The following HSDL2 variants were observed in gnomAD, a reference collection of about 807,000 sequenced individuals.
The protein encoded by HSDL2 is hydroxysteroid dehydrogenase like 2.
HSDL2 carries 27 observed loss-of-function variants against 46.3 expected under a neutral mutation model. The ratio of observed to expected loss-of-function variants is 0.58; its 90% CI spans 0.43 to 0.80. The LOEUF (loss-of-function observed/expected upper bound fraction) is 0.80. Ranked by LOEUF, HSDL2 falls within the 30% of genes least tolerant of loss-of-function variation. The pLI is 0.00. For synonymous variants in HSDL2, 153 were observed against 163.6 expected, an observed-to-expected ratio of 0.94 and a Z score of 0.50; for missense variants, 451 against 502.7, an observed-to-expected ratio of 0.90 and a Z score of 0.98.
chr9:112,401,931 CCTT>C (rs1197094983), intron 1 of HSDL2, among the ~76,000 whole-genome samples: 3 of 152,182 alleles, frequency 2.0e-5, no homozygotes, highest in Admixed American at 6.5e-5. Flanking sequence ...CACTCTCCCT[CCTT>C]CTTACCAAAC....
At chr9:112,444,972 G>A (rs1380596681) in intron 8 of HSDL2, among the ~76,000 whole-genome samples, 2 of 151,058 alleles carry the variant, frequency 1.3e-5, no homozygotes, top group Non-Finnish European at 1.5e-5. Flanking sequence ...TCAAAGTCCT[G>A]GACTCAAACA....
intron 10 of HSDL2, among the ~76,000 whole-genome samples, chr9:112,462,981 T>G (rs1833258195): frequency 6.6e-6 from 1 of 152,242 alleles, no homozygotes; most frequent in Admixed American, 6.5e-5. Flanking sequence ...TTACTTAGCA[T>G]AGGCTTTTGA....
At chr9:112,430,990 T>C (rs1832376609) in intron 6 of HSDL2, among the ~76,000 whole-genome samples, 1 of 141,404 alleles carries the variant, frequency 7.1e-6, no homozygotes, top group Admixed American at 7.6e-5. Context: ...AGGTGGAGGT[T>C]ACAGTGAGCC....
At chr9:112,384,773 A>G (rs1831181916) in intron 1 of HSDL2, among the ~76,000 whole-genome samples, 1 of 150,392 alleles carries the variant, frequency 6.6e-6, no homozygotes, top group South Asian at 2.1e-4. Context: ...AGGCCAGCAT[A>G]CAAGATCAAA....
chr9:112,424,272 G>A, intron 6 of HSDL2, among the ~76,000 whole-genome samples: 1 of 148,676 alleles, frequency 6.7e-6, no homozygotes, highest in Non-Finnish European at 1.5e-5. Flanking sequence ...AGTGAGCCGA[G>A]ATCGTGCCAC....
chr9:112,438,727 T>C, intron 7 of HSDL2, 102 bp downstream of exon 7: 2 of 681,980 alleles, frequency 2.9e-6, no homozygotes, highest in South Asian at 2.4e-5. Context: ...GTAAAATGAA[T>C]GTGTTCTTTT....
At chr9:112,446,759 T>G (rs1832767924) in intron 8 of HSDL2, among the ~76,000 whole-genome samples, 1 of 152,226 alleles carries the variant, frequency 6.6e-6, no homozygotes, top group Admixed American at 6.5e-5. Flanking sequence ...GATGCTCCAC[T>G]GCAGGACTCC....
chr9:112,446,690 G>A (rs1413481139), intron 8 of HSDL2, among the ~76,000 whole-genome samples: 1 of 152,160 alleles, frequency 6.6e-6, no homozygotes, highest in African/African-American at 2.4e-5. Flanking sequence ...ATGCCCTGCT[G>A]CCACGGTTCT....
chr9:112,450,584 A>G (rs1432496818), intron 8 of HSDL2, among the ~76,000 whole-genome samples: 2 of 146,016 alleles, frequency 1.4e-5, no homozygotes, highest in Admixed American at 7.1e-5. Flanking sequence ...GGCTGAGATC[A>G]TGCCACTGCA....
At chr9:112,429,407 A>G (rs751330922) in intron 6 of HSDL2, among the ~76,000 whole-genome samples, 26 of 152,200 alleles carry the variant, frequency 1.7e-4, no homozygotes, top group Admixed American at 7.2e-4. Flanking sequence ...AGAGTTTGTT[A>G]CCACCATTTG....
chr9:112,432,591 G>A (rs1832432677), intron 6 of HSDL2, among the ~76,000 whole-genome samples: 1 of 152,156 alleles, frequency 6.6e-6, no homozygotes, highest in East Asian at 1.9e-4. Context: ...TGGTCCAGCA[G>A]GAAAAATCAG....
chr9:112,448,405 T>G, intron 8 of HSDL2, among the ~76,000 whole-genome samples: 1 of 152,286 alleles, frequency 6.6e-6, no homozygotes, highest in Non-Finnish European at 1.5e-5. Flanking sequence ...AGATGGACAT[T>G]TTTTTAATCA....
chr9:112,458,116 A>C (rs1458534820), intron 9 of HSDL2, among the ~76,000 whole-genome samples: 1 of 141,836 alleles, frequency 7.1e-6, no homozygotes, highest in Non-Finnish European at 1.5e-5. Flanking sequence ...TTTTTTTTTC[A>C]GTTCCTCACA....
intron 4 of HSDL2, among the ~76,000 whole-genome samples, chr9:112,409,917 C>A (rs1251614130): frequency 6.6e-6 from 1 of 151,344 alleles, no homozygotes; most frequent in Non-Finnish European, 1.5e-5. Flanking sequence ...TGTGTAAATA[C>A]TTACATGTAT....
At position 112,459,203 on chromosome 9, in the gene HSDL2, C is replaced by T. The variant is rs143285138; in HGVS notation, c.1016-246C>T. Among the ~76,000 whole-genome samples, 3 of 152,230 alleles carry T rather than the reference C, an allele frequency of 2.0e-5. No individual in the cohort carries two copies. The East Asian group carries it at 5.8e-4, about 29-fold the overall frequency. ...GGTTATCTTGATTCCTTAATGTGCT[C>T]CCACATCACCCTCTACTTCCTCTTT... On this transcript the variant is annotated intron_variant, in intron 9 of 10. Transcript: ENST00000398805.
At chr9:112,401,478 A>G (rs921596060) in intron 1 of HSDL2, among the ~76,000 whole-genome samples, 5 of 147,982 alleles carry the variant, frequency 3.4e-5, no homozygotes, top group African/African-American at 9.9e-5. Context: ...AGTAGCAGAG[A>G]GCTAATGTTT....
intron 4 of HSDL2, among the ~76,000 whole-genome samples, chr9:112,409,335 G>A (rs1433031605): frequency 2.6e-5 from 4 of 151,804 alleles, no homozygotes; most frequent in African/African-American, 4.8e-5. Flanking sequence ...GATTACAGGC[G>A]CCCACCACCA....
intron 1 of HSDL2, among the ~76,000 whole-genome samples, chr9:112,390,320 T>C (rs1017345961): frequency 6.6e-6 from 1 of 152,106 alleles, no homozygotes; most frequent in African/African-American, 2.4e-5. Flanking sequence ...ATGACAGAGC[T>C]GATATTGAAG....
chr9:112,397,592 G>T (rs1831485965), intron 1 of HSDL2, among the ~76,000 whole-genome samples: 1 of 152,162 alleles, frequency 6.6e-6, no homozygotes, highest in African/African-American at 2.4e-5. Flanking sequence ...GAGCATCAAA[G>T]CCTAATTGGG....
Sources: allele counts gnomAD v4.1 joint callset (sites outside exome capture counted in the v4.1 genomes callset), GRCh38; gene constraint gnomAD v4.1.1; transcripts MANE v1.5; gene names NCBI Gene and HGNC (gene_info 2026-07-23, HGNC 2026-07-21).